The following BRAF variants were observed in gnomAD, a reference collection of about 807,000 sequenced individuals.
BRAF encodes B-Raf proto-oncogene, serine/threonine kinase.
BRAF carries 16 observed loss-of-function variants against 104.6 expected under a neutral mutation model. The ratio of observed to expected loss-of-function variants is 0.15; its 90% CI spans 0.10 to 0.23. The LOEUF is 0.23. BRAF is among the 10% of genes least tolerant of loss of function. The pLI, the probability that BRAF is intolerant of heterozygous loss-of-function variation, is 1.00. For synonymous variants in BRAF, 310 were observed against 341.6 expected (o/e 0.91, Z 1.02); for missense variants, 541 against 937.3 (o/e 0.58, Z 5.52).
At chr7:140,911,674 G>A (rs183766504) in intron 1 of BRAF, among the ~76,000 whole-genome samples, 63 of 152,264 alleles carry the variant, frequency 4.1e-4, no homozygotes, top group South Asian at 1.5e-3. Context: ...TTTGGAGAGT[G>A]TTTGAAAGAA....
At chr7:140,869,579 G>A (rs969618918) in intron 1 of BRAF, among the ~76,000 whole-genome samples, 2 of 151,500 alleles carry the variant, frequency 1.3e-5, no homozygotes, top group African/African-American at 4.9e-5. Flanking sequence ...GTTGCGGTGA[G>A]CCGAAATCAC....
intron 16 of BRAF, 113 bp from the exon 16 acceptor site, chr7:140,749,531 T>C (rs1052375576): frequency 9.8e-6 from 11 of 1,126,068 alleles, no homozygotes; most frequent in African/African-American, 4.7e-5. Context: ...CTGTCTAATA[T>C]GTAATCAATT....
intron 14 of BRAF, among the ~76,000 whole-genome samples, chr7:140,765,226 T>A (rs1799187581): frequency 6.6e-6 from 1 of 152,170 alleles, no homozygotes; most frequent in Non-Finnish European, 1.5e-5. Context: ...TAAACGGTGC[T>A]GGGAAAACTG....
At chr7:140,814,209 G>A (rs1449554161) in intron 3 of BRAF, among the ~76,000 whole-genome samples, 1 of 152,126 alleles carries the variant, frequency 6.6e-6, no homozygotes, top group African/African-American at 2.4e-5. Context: ...AGGAGCCAGA[G>A]TCAATGGAAC....
Position 140,721,545 on chromosome 7 carries a change from T to C in BRAF, c.*4949A>G. The stretch of plus-strand genomic sequence containing the variant: ...AAACATCTTACCAGTATTTTTAATT[T>C]TACCAGAGCTAGCAACATGGACCAC... On this transcript the variant is annotated 3_prime_UTR_variant, in exon 20 of 20. Coordinates refer to ENST00000644969, the MANE Select transcript of BRAF (RefSeq NM_001374258.1). 1 of 1,453,350 alleles carries C rather than the reference T, an allele frequency of 6.9e-7. No homozygotes were observed. The highest frequency in any genetic ancestry group is 9.0e-7 in the Non-Finnish European group (1 of 1,107,242). The allele number at this position is 1,453,350 out of a possible 1,614,324, so 90.0% of individuals were successfully genotyped here.
rs886182352 is a variant in BRAF at position 140,882,981 on chromosome 7, G to A, written c.139-32769C>T. Among the ~76,000 whole-genome samples the A allele has an allele frequency of 5.3e-5, 8 of 151,020 alleles. No homozygotes were observed. In the East Asian group the frequency reaches 1.6e-3, roughly 30 times the overall value. On this transcript the variant is annotated intron_variant, in intron 1 of 19. Transcript: ENST00000644969. ...TGCACTCCAGCTGGGGAACAAGAGC[G>A]AAACTCCATCTCAAAAAATAAAATA...
At chr7:140,878,099 T>C (rs1418548901) in intron 1 of BRAF, among the ~76,000 whole-genome samples, 2 of 151,898 alleles carry the variant, frequency 1.3e-5, no homozygotes, top group African/African-American at 4.8e-5. Context: ...CTCTTGAATA[T>C]AGATACAAGG....
chr7:140,922,384 AG>A (rs1433110270), intron 1 of BRAF, among the ~76,000 whole-genome samples: 3 of 149,876 alleles, frequency 2.0e-5, no homozygotes, highest in South Asian at 2.1e-4. Flanking sequence ...CAGACTCTTC[AG>A]GGGGTACAGT....
chr7:140,923,713 G>C (rs1299768842), intron 1 of BRAF, among the ~76,000 whole-genome samples: 1 of 152,142 alleles, frequency 6.6e-6, no homozygotes, highest in African/African-American at 2.4e-5. Flanking sequence ...GTGTCCAGGA[G>C]GATTTGTGAA....
chr7:140,755,060 C>T (rs1264206886), intron 14 of BRAF, among the ~76,000 whole-genome samples: 1 of 152,134 alleles, frequency 6.6e-6, no homozygotes, highest in Non-Finnish European at 1.5e-5. Flanking sequence ...ATCACCCAGG[C>T]TGGAGTGTAG....
intron 13 of BRAF, among the ~76,000 whole-genome samples, chr7:140,777,590 G>A (rs1243265119): frequency 1.3e-5 from 2 of 152,054 alleles, no homozygotes; most frequent in African/African-American, 2.4e-5. Flanking sequence ...TACACCTCTA[G>A]AATCTTCCCT....
intron 1 of BRAF, among the ~76,000 whole-genome samples, chr7:140,871,476 G>A (rs573711464): frequency 6.6e-6 from 1 of 152,154 alleles, no homozygotes; most frequent in South Asian, 2.1e-4. Context: ...TCACTTAGTA[G>A]AACTAGAAAT....
intron 17 of BRAF, among the ~76,000 whole-genome samples, chr7:140,748,005 A>G (rs564565769): frequency 2.4e-4 from 37 of 152,336 alleles, no homozygotes; most frequent in African/African-American, 8.9e-4. Flanking sequence ...AAAGGCCAAC[A>G]CCAACTAAAA....
At chr7:140,903,618 C>A (rs1411784336) in intron 1 of BRAF, among the ~76,000 whole-genome samples, 1 of 152,158 alleles carries the variant, frequency 6.6e-6, no homozygotes. Context: ...TTAAGAAGTA[C>A]CTTTCATTGG....
chr7:140,769,601 T>A (rs1799645954), intron 14 of BRAF, among the ~76,000 whole-genome samples: 1 of 152,260 alleles, frequency 6.6e-6, no homozygotes, highest in Non-Finnish European at 1.5e-5. Flanking sequence ...TTTATGTTGA[T>A]ACATATATAA....
intron 3 of BRAF, chr7:140,822,372 A>C (rs1805581840): frequency 6.6e-6 from 1 of 152,234 alleles, no homozygotes. Context: ...AACCATCATC[A>C]CATTCAAGAT....
chr7:140,722,906 C>T lies in BRAF; in HGVS notation c.*3588G>A. 1 of 1,055,714 alleles carries T rather than the reference C, an allele frequency of 9.5e-7. No individual in the cohort carries two copies. Among genetic ancestry groups the T allele is most frequent in the Non-Finnish European group, 1.1e-6 (1 of 873,284 alleles). The allele number at this position is 1,055,714 out of a possible 1,614,324, so 65.4% of individuals were successfully genotyped here. On this transcript the variant is annotated 3_prime_UTR_variant, in exon 20 of 20. Transcript: ENST00000644969. The stretch of plus-strand genomic sequence containing the variant: ...AACAACATTCAGATATTCCGAGCAA[C>T]ACATTTTTTTACAGTATTACTGCTT...
At position 140,723,623 on chromosome 7, in the gene BRAF, G is replaced by GA; in HGVS notation, c.*2870dup. ...AGTCTAGGTCCTTGACTCTAACGAT[G>GA]AAAAAAGTCCATCAGGAATACTACA... On this transcript the variant is annotated 3_prime_UTR_variant, in exon 20 of 20. Coordinates refer to ENST00000644969, the MANE Select transcript of BRAF (RefSeq NM_001374258.1). 3.8e-6 allele frequency: 4 copies of GA among 1,049,748 alleles called. No homozygotes were observed. Among genetic ancestry groups the GA allele is most frequent in the South Asian group, 9.2e-5 (2 of 21,840 alleles). The allele number at this position is 1,049,748 out of a possible 1,614,324, so 65.0% of individuals were successfully genotyped here.
intron 2 of BRAF, chr7:140,835,892 C>G (rs892876878): frequency 6.6e-6 from 1 of 152,096 alleles, no homozygotes; most frequent in Non-Finnish European, 1.5e-5. Context: ...TTTAAAATGG[C>G]CTTTCCCGTC....
Sources: allele counts gnomAD v4.1 joint callset (sites outside exome capture counted in the v4.1 genomes callset), GRCh38; gene constraint gnomAD v4.1.1; transcripts MANE v1.5; gene names NCBI Gene and HGNC (gene_info 2026-07-23, HGNC 2026-07-21).